The following ATG4D variants were observed in gnomAD, a reference collection of about 807,000 sequenced individuals.
ATG4D encodes cysteine protease ATG4D.
A neutral mutation model predicts 55.2 loss-of-function variants in ATG4D; 51 were observed. The observed-to-expected ratio is 0.92, with a 90% CI of 0.74 to 1.17. ATG4D has a LOEUF of 1.17. Ranked by LOEUF, ATG4D falls within the 50% of genes most tolerant of loss-of-function variation. The pLI is 0.00. For synonymous variants in ATG4D, 268 were observed against 266.2 expected, an observed-to-expected ratio of 1.01 and a Z score of -0.07; for missense variants, 635 against 649.6, an observed-to-expected ratio of 0.98 and a Z score of 0.25.
intron 4 of ATG4D, 23 bp downstream of exon 4, chr19:10,547,138 CG>C: frequency 6.2e-7 from 1 of 1,610,010 alleles, no homozygotes; most frequent in South Asian, 1.1e-5. Context: ...GCAGGGATCA[CG>C]GGAGTTGCTG....
At chr19:10,546,144 G>A (rs1025312141) in intron 3 of ATG4D, among the ~76,000 whole-genome samples, 45 of 151,910 alleles carry the variant, frequency 3.0e-4, no homozygotes, top group African/African-American at 1.1e-3. Flanking sequence ...CACATGACAA[G>A]GCTCCTGTCT....
At chr19:10,549,531 C>T (rs1237630485) in intron 6 of ATG4D, among the ~76,000 whole-genome samples, 1 of 152,192 alleles carries the variant, frequency 6.6e-6, no homozygotes, top group African/African-American at 2.4e-5. Flanking sequence ...AATTCTCCTG[C>T]CTCAGTCTCC....
In ATG4D at chr19:10,546,747, A is replaced by G. The variant is rs1916040921; in HGVS notation, c.494-92A>G. On this transcript the variant is annotated intron_variant, in intron 3 of 9. Coordinates refer to ENST00000309469, the MANE Select transcript of ATG4D (RefSeq NM_032885.6). ...TAAATTCTGTTGAATTACGGGGTTC[A>G]GGAGCATTCGCATTGTGTGCGGTGC... 10 of 1,324,538 alleles carry G rather than the reference A, an allele frequency of 7.5e-6. No individual in the cohort carries two copies. The Admixed American group carries it at 9.4e-5, about 13-fold the overall frequency. 82.0% of individuals were successfully genotyped at this position (1,324,538 alleles called of 1,614,324 possible).
rs1916357925 is a variant in ATG4D, at chr19:10,553,171, G to A, written c.*104G>A. The stretch of plus-strand genomic sequence containing the variant: ...GGCAGTGATGATGGTACTTCCTGTT[G>A]TCAGCCCCTCAAGCCCAGCTGCAAC... On this transcript the variant is annotated 3_prime_UTR_variant, in exon 10 of 10. Transcript: ENST00000309469. 2 of 1,380,662 alleles carry A rather than the reference G, an allele frequency of 1.4e-6. No homozygotes were observed. The highest frequency in any genetic ancestry group is 1.5e-5 in the African/African-American group (1 of 68,750). The allele number at this position is 1,380,662 out of a possible 1,614,324, so 85.5% of individuals were successfully genotyped here. A position where few individuals can be genotyped will look rare whatever the true frequency, so the allele number is the denominator to read the frequency against.
At chr19:10,546,502 C>T (rs1022414116) in intron 3 of ATG4D, among the ~76,000 whole-genome samples, 4 of 151,170 alleles carry the variant, frequency 2.6e-5, no homozygotes, top group East Asian at 1.9e-4. Context: ...CCCGCCACCA[C>T]GCTTGTCTAC....
chr19:10,549,198 G>A (rs1489421654), intron 6 of ATG4D, among the ~76,000 whole-genome samples, 164 bp downstream of exon 6: 8 of 151,258 alleles, frequency 5.3e-5, no homozygotes, highest in Non-Finnish European at 1.2e-4. Flanking sequence ...ATCTCGGCTC[G>A]CTGCAACCTC....
rs577251129 is a variant in ATG4D at position 10,552,983 on chromosome 19, C to G, written c.1341C>G (p.Leu447=). The change falls in exon 10 of 10, where the codon CTC becomes CTG. Residue 447 remains leucine (L), a synonymous_variant. Transcript: ENST00000309469. ...GCCTGGACGACCTCTGCTCCCAGCTCGCCCAGCCCACACTCCGGCTCCCTC... is the reference window on the plus strand; with the variant it reads ...GCCTGGACGACCTCTGCTCCCAGCTGGCCCAGCCCACACTCCGGCTCCCTC... ...DHSLDDLCSQ[L]AQPTLRLPRT... is the part of the protein sequence containing the mutation. The G allele has an allele frequency of 1.4e-5, 22 of 1,613,532 alleles. 2 individuals carry two copies. In the South Asian group the frequency reaches 2.4e-4, roughly 18 times the overall value.
rs770523158 is a variant in ATG4D, at chr19:10,548,888, T to C, written c.836-16T>C. 38 of 1,610,528 alleles carry C rather than the reference T, an allele frequency of 2.4e-5. No individual in the cohort carries two copies. Among genetic ancestry groups the C allele is most frequent in the Non-Finnish European group, 3.1e-5 (37 of 1,177,266 alleles). ...GGGTGGCAAGAAGGTGACCTGCTGC[T>C]GTCCCGTCCCTCCAGTGTACAAGGC... On this transcript the variant is annotated splice_polypyrimidine_tract_variant and intron_variant, in intron 5 of 9. Transcript: ENST00000309469.
rs566999695 is a variant in ATG4D at position 10,550,462 on chromosome 19, G to A, written c.966+1428G>A. Among the ~76,000 whole-genome samples, 8 of 152,238 alleles carry A rather than the reference G, an allele frequency of 5.3e-5. No individual in the cohort carries two copies. The South Asian group carries it at 1.7e-3, about 32-fold the overall frequency. On this transcript the variant is annotated intron_variant, in intron 6 of 9. Transcript: ENST00000309469. ...CAGCAAGACAGAGACCCTGAGGCTG[G>A]AAAGTCCCCTATGTATTTGCATCCG...
chr19:10,545,110 T>G lies in ATG4D; in HGVS notation c.473T>G (p.Leu158Arg). The G allele has an allele frequency of 6.2e-7, 1 of 1,611,310 alleles. No homozygotes were observed. Among genetic ancestry groups the G allele is most frequent in the Non-Finnish European group, 8.5e-7 (1 of 1,180,010 alleles). Residue 158 changes from leucine (L) to arginine (R), a missense_variant, in exon 3 of 10, where the codon CTG (leucine) becomes CGG (arginine). By Grantham distance (102) the Leu-to-Arg change is moderately radical (BLOSUM62 -2). Coordinates refer to ENST00000309469, the MANE Select transcript of ATG4D (RefSeq NM_032885.6). The part of the protein sequence containing the change: ...SGQMMLAQGL[L>R]LHFLPRDWTW... ...CAGATGATGCTGGCACAGGGCCTTCTGCTGCATTTCCTGCCCAGAGGTGAG... is the reference window on the plus strand; with the variant it reads ...CAGATGATGCTGGCACAGGGCCTTCGGCTGCATTTCCTGCCCAGAGGTGAG...
In ATG4D at chr19:10,545,034, G is replaced by A; in HGVS notation, c.397G>A (p.Gly133Arg). 6.2e-7 allele frequency: 1 copy of A among 1,612,840 alleles called. No individual in the cohort carries two copies. The highest frequency in any genetic ancestry group is 8.5e-7 in the Non-Finnish European group (1 of 1,179,574). ...TYRRDFPPLP[G>R]GCLTSDCGWG... ...CCGCCGGGACTTCCCGCCCCTTCCT[G>A]GGGGCTGCCTGACCTCGGACTGTGG... The change falls in exon 3 of 10, where the codon GGG (glycine) becomes AGG (arginine). Residue 133 changes from glycine to arginine, a missense_variant. By Grantham distance (125) the Gly-to-Arg change is moderately radical. Transcript: ENST00000309469.
chr19:10,547,220 C>T lies in ATG4D; in HGVS notation c.802C>T (p.Arg268Cys), dbSNP rs768662171. The change falls in exon 5 of 10, where the codon CGC (arginine) becomes TGC (cysteine). Residue 268 changes from arginine (R) to cysteine (C), a missense_variant. Arg to Cys is a radical substitution (Grantham distance 180). Coordinates refer to ENST00000309469, the MANE Select transcript of ATG4D (RefSeq NM_032885.6). ...CGTGGAGAGCTGCTCCGACGTCACC[C>T]GCCTGGTGGTGTACGTTTCTCAGGA... ...KAVESCSDVT[R>C]LVVYVSQDCT... is the part of the protein sequence containing the mutation. The T allele has an allele frequency of 4.0e-5, 64 of 1,613,884 alleles. No individual in the cohort carries two copies. The highest frequency in any genetic ancestry group is 3.3e-4 in the Middle Eastern group (2 of 6,082).
Position 10,544,271 on chromosome 19 carries a change from G to T in ATG4D, c.181G>T (p.Glu61Ter), listed in dbSNP as rs995770572. The change falls in exon 1 of 10, where the codon GAA becomes TAA. Residue 61 changes from glutamate (E) to a stop codon, truncating the protein, a stop_gained. Transcript: ENST00000309469. LOFTEE classifies it high-confidence loss of function. ...CGGGGCTGGCCCGAGTGAGCCGGAC[G>T]AAGTGGACAAGTTCAAGGCCAAGTT... ...SPGAGPSEPD[E>*]VDKFKAKFLT... 9 of 1,276,556 alleles carry T rather than the reference G, an allele frequency of 7.1e-6. No homozygotes were observed. Among genetic ancestry groups the T allele is most frequent in the African/African-American group, 1.5e-5 (1 of 65,594 alleles). The allele number at this position is 1,276,556 out of a possible 1,614,324, so 79.1% of individuals were successfully genotyped here. A position where few individuals can be genotyped will look rare whatever the true frequency, so the allele number is the denominator to read the frequency against.
At position 10,552,921 on chromosome 19, in the gene ATG4D, A is replaced by G. The variant is rs775861000; in HGVS notation, c.1279A>G (p.Met427Val). 1.9e-6 allele frequency: 3 copies of G among 1,613,240 alleles called. No homozygotes were observed. Among genetic ancestry groups the G allele is most frequent in the Non-Finnish European group, 2.5e-6 (3 of 1,179,822 alleles). Residue 427 changes from methionine (M) to valine (V), a missense_variant, in exon 10 of 10, where the codon ATG (methionine) becomes GTG (valine). By Grantham distance (21) the Met-to-Val change is conservative (BLOSUM62 1). Coordinates refer to ENST00000309469, the MANE Select transcript of ATG4D (RefSeq NM_032885.6). ...SSSSATERYPMFTLAEGHAQD... is the reference protein window; with the variant it reads ...SSSSATERYPVFTLAEGHAQD... ...CTCCTCAGCCACAGAGCGGTACCCC[A>G]TGTTCACCCTGGCCGAGGGCCATGC...
chr19:10,551,895 A>G lies in ATG4D; in HGVS notation c.967-2A>G. ...AGCACCTGCCTACCCTCCTCCCTGC[A>G]GGAACTCCTGCGTTGCGAGCTGTGC... On this transcript the variant is annotated splice_acceptor_variant, in intron 6 of 9. Coordinates refer to ENST00000309469, the MANE Select transcript of ATG4D (RefSeq NM_032885.6). LOFTEE classifies it high-confidence loss of function. 6.2e-7 allele frequency: 1 copy of G among 1,613,788 alleles called. No individual in the cohort carries two copies. The highest frequency in any genetic ancestry group is 8.5e-7 in the Non-Finnish European group (1 of 1,179,956).
In ATG4D at chr19:10,544,205, C is replaced by G. The variant is rs1915957478; in HGVS notation, c.115C>G (p.Leu39Val). The G allele has an allele frequency of 8.0e-6, 10 of 1,252,640 alleles. No individual in the cohort carries two copies. The highest frequency in any genetic ancestry group is 1.6e-5 in the African/African-American group (1 of 64,478). The allele number at this position is 1,252,640 out of a possible 1,614,324, so 77.6% of individuals were successfully genotyped here. A position where few individuals can be genotyped will look rare whatever the true frequency, so the allele number is the denominator to read the frequency against. ...TCCCAGAGGCCCAGACCCCAACGGC[C>G]TGGGGCCTTCCGGAGCCAGCGGCCC... is the stretch of plus-strand genomic sequence containing the variant. ...RGPRGPDPNG[L>V]GPSGASGPAL... The change falls in exon 1 of 10, where the codon CTG becomes GTG. Residue 39 changes from leucine (L) to valine (V), a missense_variant. Leu to Val is a conservative substitution (Grantham distance 32, BLOSUM62 1). Coordinates refer to ENST00000309469, the MANE Select transcript of ATG4D (RefSeq NM_032885.6).
chr19:10,543,951 C>T lies in ATG4D; in HGVS notation c.-140C>T, dbSNP rs1177980145. 7 of 476,638 alleles carry T rather than the reference C, an allele frequency of 1.5e-5. No homozygotes were observed. The highest frequency in any genetic ancestry group is 6.1e-5 in the African/African-American group (3 of 49,578). The allele number at this position is 476,638 out of a possible 1,614,324, so 29.5% of individuals were successfully genotyped here. A position where few individuals can be genotyped will look rare whatever the true frequency, so the allele number is the denominator to read the frequency against. On this transcript the variant is annotated 5_prime_UTR_variant, in exon 1 of 10. Transcript: ENST00000309469. ...ATGGCTGCGGTAGCAGCGGCGGCGG[C>T]TGTTGCCTGGCCCGGTACCCTGGGG...
intron 6 of ATG4D, among the ~76,000 whole-genome samples, chr19:10,550,046 T>C: frequency 6.6e-6 from 1 of 152,060 alleles, no homozygotes; most frequent in East Asian, 1.9e-4. Context: ...CTCACTCTCT[T>C]GCCCACGCTG....
chr19:10,544,623 C>T, intron 1 of ATG4D, 160 bp from the exon 2 acceptor site: 1 of 1,369,478 alleles, frequency 7.3e-7, no homozygotes, highest in Admixed American at 2.7e-5. Context: ...GTGGACACTC[C>T]TGTAGCTGTC....
Sources: gnomAD v4.1 joint callset for allele counts (sites outside exome capture counted in the v4.1 genomes callset) on GRCh38, gnomAD v4.1.1 for gene constraint, MANE v1.5 for transcripts, NCBI Gene and HGNC (gene_info 2026-07-23, HGNC 2026-07-21) for gene names.